The following ZNF676 variants were observed in gnomAD, a reference collection of about 807,000 sequenced individuals.
ZNF676 encodes zinc finger protein 676.
In ZNF676, 4 loss-of-function variants were observed where a neutral mutation model predicts 6.0. The observed-to-expected ratio is 0.67, with a 90% CI of 0.33 to 1.53. The LOEUF is 1.53. ZNF676 is among the 40% of genes most tolerant of loss of function. The pLI is 0.06. For missense variants in ZNF676, 644 were observed against 679.7 expected (o/e 0.95, Z 0.58); for synonymous variants, 198 against 223.1 (o/e 0.89, Z 1.00).
the ZNF676 span, among the ~76,000 whole-genome samples, chr19:22,235,032 GAAAA>G: frequency 7.6e-6 from 1 of 131,858 alleles, no homozygotes; most frequent in Non-Finnish European, 1.7e-5. Context: ...AAGAAAGAAA[GAAAA>G]GAAAAGAAGG....
At chr19:22,197,478 T>C (rs200855148), upstream of ZNF676, among the ~76,000 whole-genome samples, 3 of 85,570 alleles carry the variant, frequency 3.5e-5, no homozygotes, top group Non-Finnish European at 6.7e-5. Context: ...TTTTTTTTTT[T>C]CAGATCTGGG....
the ZNF676 span, among the ~76,000 whole-genome samples, chr19:22,253,785 G>A: frequency 6.6e-6 from 1 of 151,970 alleles, no homozygotes; most frequent in Non-Finnish European, 1.5e-5. Flanking sequence ...CATCTGTGAG[G>A]GCGACAGTCT....
chr19:22,249,010 G>A, the ZNF676 span, among the ~76,000 whole-genome samples: 856 of 152,206 alleles, frequency 5.6e-3, 9 homozygotes, highest in African/African-American at 0.02. Flanking sequence ...GATTACAGGC[G>A]TGAGCCACCA....
the ZNF676 span, among the ~76,000 whole-genome samples, chr19:22,249,998 C>A: frequency 6.6e-6 from 1 of 151,786 alleles, no homozygotes; most frequent in Admixed American, 6.6e-5. Context: ...GCCTGACTAA[C>A]ATGGTGAAAC....
chr19:22,228,005 T>TTA, the ZNF676 span, among the ~76,000 whole-genome samples: 1 of 152,178 alleles, frequency 6.6e-6, no homozygotes, highest in East Asian at 1.9e-4. Flanking sequence ...CTAGCTCATT[T>TTA]TGGGCCAGCA....
At chr19:22,255,860 C>CAA in the ZNF676 span, among the ~76,000 whole-genome samples, 2,129 of 107,490 alleles carry the variant, frequency 0.02, 36 homozygotes, top group African/African-American at 0.058. Flanking sequence ...GACTCCATCT[C>CAA]AAAAAAAAAA....
chr19:22,249,358 C>A, the ZNF676 span, among the ~76,000 whole-genome samples: 1 of 152,082 alleles, frequency 6.6e-6, no homozygotes, highest in Non-Finnish European at 1.5e-5. Context: ...AAAAAAAATT[C>A]TGTGTGTGAA....
the ZNF676 span, among the ~76,000 whole-genome samples, chr19:22,230,465 TCTG>T: frequency 6.6e-6 from 1 of 151,826 alleles, no homozygotes; most frequent in South Asian, 2.1e-4. Context: ...ACCTGCACAT[TCTG>T]CACATGTATC....
At chr19:22,236,914 A>T in the ZNF676 span, among the ~76,000 whole-genome samples, 1 of 152,132 alleles carries the variant, frequency 6.6e-6, no homozygotes, top group Admixed American at 6.6e-5. Flanking sequence ...GTTGAGTGCC[A>T]CCACTTGGCC....
intron 2 of ZNF676, among the ~76,000 whole-genome samples, chr19:22,184,882 A>G (rs1377628431): frequency 6.6e-5 from 10 of 151,096 alleles, no homozygotes; most frequent in Non-Finnish European, 1.5e-4. Context: ...GGCATATAGT[A>G]AAAACACCCA....
intron 1 of ZNF676, among the ~76,000 whole-genome samples, chr19:22,211,889 AT>A (rs1357728307): frequency 6.6e-6 from 1 of 152,186 alleles, no homozygotes; most frequent in Non-Finnish European, 1.5e-5. Context: ...ATTGTTTGAA[AT>A]CACTCAGCTA....
chr19:22,215,294 A>G (rs963758376), intron 1 of ZNF676, among the ~76,000 whole-genome samples: 2 of 152,150 alleles, frequency 1.3e-5, no homozygotes, highest in African/African-American at 4.8e-5. Context: ...CTCACGGACC[A>G]AAGCTCTTCC....
upstream of ZNF676, among the ~76,000 whole-genome samples, chr19:22,218,661 C>G (rs2024218266): frequency 1.3e-5 from 2 of 152,004 alleles, no homozygotes; most frequent in African/African-American, 4.8e-5. Context: ...CAGTTTTATT[C>G]TTCAATATGT....
At chr19:22,181,640 C>A in intron 2 of ZNF676, 54 bp from the exon 3 acceptor site, 2 of 1,357,860 alleles carry the variant, frequency 1.5e-6, no homozygotes, top group Non-Finnish European at 9.8e-7. Context: ...CAGATAAGTA[C>A]AGTTTCCAAA....
the ZNF676 span, among the ~76,000 whole-genome samples, chr19:22,258,865 T>C: frequency 6.6e-6 from 1 of 152,208 alleles, no homozygotes; most frequent in Non-Finnish European, 1.5e-5. Flanking sequence ...CAAAGGCATA[T>C]GTCACAATCA....
chr19:22,227,050 T>A, the ZNF676 span, among the ~76,000 whole-genome samples: 1 of 152,180 alleles, frequency 6.6e-6, no homozygotes, highest in Non-Finnish European at 1.5e-5. Flanking sequence ...GCACTGCATA[T>A]GCCCTATAAA....
rs572474328 is a variant in ZNF676 at position 22,204,327 on chromosome 19, A to T, written c.4-7601T>A. ...AGTCATAATGTATGTAAGATTTTTTAAAATTATCTGAACTATAATTCAGTT... is the reference window on the plus strand; with the variant it reads ...AGTCATAATGTATGTAAGATTTTTTTAAATTATCTGAACTATAATTCAGTT... On this transcript the variant is annotated intron_variant, in intron 1 of 3. Coordinates refer to the ZNF676 transcript ENST00000650058. Among the ~76,000 whole-genome samples the T allele has an allele frequency of 8.5e-5, 13 of 152,330 alleles. No individual in the cohort carries two copies. In the East Asian group the frequency reaches 1.7e-3, roughly 20 times the overall value.
At chr19:22,228,457 C>T in the ZNF676 span, among the ~76,000 whole-genome samples, 1 of 152,166 alleles carries the variant, frequency 6.6e-6, no homozygotes, top group African/African-American at 2.4e-5. Flanking sequence ...GACAAGGATG[C>T]CCTCTCTCAC....
the ZNF676 span, among the ~76,000 whole-genome samples, chr19:22,259,970 T>C: frequency 6.6e-6 from 1 of 152,164 alleles, no homozygotes; most frequent in Non-Finnish European, 1.5e-5. Context: ...ACCTAGGTGC[T>C]GGATCCTGTG....
Sources: gnomAD v4.1 joint callset for allele counts (sites outside exome capture counted in the v4.1 genomes callset) on GRCh38, gnomAD v4.1.1 for gene constraint, MANE v1.5 for transcripts, NCBI Gene and HGNC (gene_info 2026-07-23, HGNC 2026-07-21) for gene names.